Variants in FBXO15 observed in about 807,000 individuals in gnomAD.
FBXO15 encodes the protein F-box only protein 15.
In FBXO15, 30 loss-of-function variants were observed where a neutral mutation model predicts 49.5. That is an observed-to-expected ratio of 0.61 (90% CI 0.45 to 0.82). The LOEUF is 0.82. Ranked by LOEUF, FBXO15 falls within the 40% of genes least tolerant of loss-of-function variation. The pLI, the probability that FBXO15 is intolerant of heterozygous loss-of-function variation, is 0.00. For synonymous variants in FBXO15, 250 were observed against 232.7 expected (o/e 1.07, Z -0.68); for missense variants, 591 against 631.5 (o/e 0.94, Z 0.69).
intron 8 of FBXO15, among the ~76,000 whole-genome samples, chr18:74,115,331 T>C (rs1346534983): frequency 6.6e-6 from 1 of 152,214 alleles, no homozygotes; most frequent in Non-Finnish European, 1.5e-5. Flanking sequence ...CCTCCCACTC[T>C]GTGACTTGAG....
chr18:74,092,330 T>C (rs966835822), intron 8 of FBXO15, among the ~76,000 whole-genome samples: 1 of 152,180 alleles, frequency 6.6e-6, no homozygotes, highest in Non-Finnish European at 1.5e-5. Flanking sequence ...CTTCTGAATG[T>C]TGATGATTTT....
At chr18:74,141,625 A>G (rs1297919089) in intron 1 of FBXO15, among the ~76,000 whole-genome samples, 1 of 152,202 alleles carries the variant, frequency 6.6e-6, no homozygotes, top group Non-Finnish European at 1.5e-5. Flanking sequence ...TGGAAGAAAA[A>G]GTAATGAACC....
At chr18:74,140,381 C>A in intron 1 of FBXO15, 69 bp from the exon 2 acceptor site, 2 of 1,347,396 alleles carry the variant, frequency 1.5e-6, no homozygotes, top group Admixed American at 2.6e-5. Flanking sequence ...TTCCCTTCTA[C>A]AAAATTCCAA....
chr18:74,126,246 G>C, intron 5 of FBXO15, 145 bp from the exon 6 acceptor site: 3 of 1,083,002 alleles, frequency 2.8e-6, no homozygotes, highest in Non-Finnish European at 4.0e-6. Flanking sequence ...GCAGGGTGAG[G>C]ACACAAATGA....
At chr18:74,088,857 T>G (rs1204623124) in intron 8 of FBXO15, among the ~76,000 whole-genome samples, 2 of 152,240 alleles carry the variant, frequency 1.3e-5, no homozygotes, top group Admixed American at 6.5e-5. Flanking sequence ...TTTCCATTTG[T>G]GTCATCCTGA....
intron 1 of FBXO15, among the ~76,000 whole-genome samples, chr18:74,144,806 G>A (rs1271882116): frequency 1.3e-5 from 2 of 152,102 alleles, no homozygotes; most frequent in Non-Finnish European, 2.9e-5. Context: ...GAAGCACAGC[G>A]CCAGGGTGCT....
chr18:74,097,413 G>C (rs1469041149), intron 8 of FBXO15: 1 of 151,226 alleles, frequency 6.6e-6, no homozygotes. Flanking sequence ...GGGAGGATGA[G>C]GGGGGCGGGT....
intron 8 of FBXO15, among the ~76,000 whole-genome samples, chr18:74,113,244 G>A (rs996741283): frequency 2.0e-5 from 3 of 152,190 alleles, no homozygotes; most frequent in Admixed American, 6.5e-5. Context: ...TCTAAAAAAG[G>A]AAAAAGTATG....
At chr18:74,132,788 T>C (rs995975406) in intron 3 of FBXO15, among the ~76,000 whole-genome samples, 4 of 152,210 alleles carry the variant, frequency 2.6e-5, no homozygotes, top group African/African-American at 7.2e-5. Flanking sequence ...GCCAATTTAA[T>C]GTTCAGATAA....
Position 74,123,441 on chromosome 18 carries a change from T to A in FBXO15, c.1065A>T (p.Gln355His). The stretch of plus-strand genomic sequence containing the variant: ...CACCGCTGTGCAGATCAACATGGAG[T>A]TGGTAGCCGTGCAGTCCATACTCGG... ...DSPEYGLHGY[Q>H]LHVDLHSGGV... Residue 355 changes from glutamine to histidine, a missense_variant, in exon 8 of 10, where the codon CAA becomes CAT. By Grantham distance (24) the Gln-to-His change is conservative. Transcript: ENST00000419743. The A allele has an allele frequency of 6.2e-7, 1 of 1,613,620 alleles. No individual in the cohort carries two copies. The highest frequency in any genetic ancestry group is 8.5e-7 in the Non-Finnish European group (1 of 1,179,874).
At chr18:74,086,452 G>A (rs547561284) in intron 8 of FBXO15, among the ~76,000 whole-genome samples, 5 of 152,166 alleles carry the variant, frequency 3.3e-5, no homozygotes, top group African/African-American at 4.8e-5. Flanking sequence ...GTTTTTAGAC[G>A]GAGTCTCACT....
chr18:74,103,210 T>A (rs1234668545), intron 8 of FBXO15, among the ~76,000 whole-genome samples: 1 of 151,974 alleles, frequency 6.6e-6, no homozygotes, highest in Non-Finnish European at 1.5e-5. Context: ...TTGGAACTAA[T>A]GAATACTTTT....
chr18:74,118,052 G>A (rs1382618439), intron 8 of FBXO15, among the ~76,000 whole-genome samples: 1 of 151,354 alleles, frequency 6.6e-6, no homozygotes, highest in Non-Finnish European at 1.5e-5. Flanking sequence ...TGTTGCCCAG[G>A]CTGGAGTGCA....
At chr18:74,127,275 A>C (rs1978291961) in intron 5 of FBXO15, among the ~76,000 whole-genome samples, 3 of 152,184 alleles carry the variant, frequency 2.0e-5, no homozygotes, top group Admixed American at 1.3e-4. Context: ...TATTAAATAG[A>C]CTCTGGGAAT....
intron 6 of FBXO15, 149 bp from the exon 7 acceptor site, chr18:74,124,720 T>C (rs1914631605): frequency 3.1e-6 from 2 of 655,214 alleles, no homozygotes; most frequent in Non-Finnish European, 5.4e-6. Flanking sequence ...GCATTATTAC[T>C]GCTAATATGT....
chr18:74,084,717 C>T (rs1912665024), intron 8 of FBXO15, among the ~76,000 whole-genome samples: 1 of 152,122 alleles, frequency 6.6e-6, no homozygotes, highest in Non-Finnish European at 1.5e-5. Context: ...CCTTGGTTTC[C>T]AGTGACACTG....
chr18:74,131,757 T>C (rs761058168), intron 3 of FBXO15, among the ~76,000 whole-genome samples: 1 of 152,200 alleles, frequency 6.6e-6, no homozygotes, highest in African/African-American at 2.4e-5. Flanking sequence ...TTTGCTCATT[T>C]AGGTCTCCAC....
chr18:74,113,013 T>G (rs1914097330), intron 8 of FBXO15, among the ~76,000 whole-genome samples: 1 of 152,356 alleles, frequency 6.6e-6, no homozygotes, highest in African/African-American at 2.4e-5. Context: ...TGGATGCTTA[T>G]AGCAGCTTTA....
At chr18:74,097,368 A>C (rs1167573587) in intron 8 of FBXO15, 1 of 137,620 alleles carries the variant, frequency 7.3e-6, no homozygotes. Flanking sequence ...CACTGCCTGG[A>C]AACAGACTTG....
Sources: allele counts gnomAD v4.1 joint callset (sites outside exome capture counted in the v4.1 genomes callset), GRCh38; gene constraint gnomAD v4.1.1; transcripts MANE v1.5; gene names NCBI Gene and HGNC (gene_info 2026-07-23, HGNC 2026-07-21).